The following AGBL4 variants were observed in gnomAD, a reference collection of about 807,000 sequenced individuals.
AGBL4 encodes the protein AGBL carboxypeptidase 4.
AGBL4 carries 58 observed loss-of-function variants against 66.4 expected under a neutral mutation model. That is an observed-to-expected ratio of 0.87 (90% CI 0.71 to 1.09). The LOEUF is 1.09. Among genes scored for constraint, AGBL4 ranks in the 50% least tolerant of loss-of-function variants. AGBL4 has a pLI of 0.00. For synonymous variants in AGBL4, 234 were observed against 222.9 expected, an observed-to-expected ratio of 1.05 and a Z score of -0.44; for missense variants, 579 against 631.0, an observed-to-expected ratio of 0.92 and a Z score of 0.88.
chr1:49,641,483 C>T (rs1368050774), intron 3 of AGBL4, among the ~76,000 whole-genome samples: 1 of 152,026 alleles, frequency 6.6e-6, no homozygotes, highest in African/African-American at 2.4e-5. Context: ...ACATTTCGTT[C>T]CACAATGTTT....
chr1:49,557,634 T>C (rs1229941922), intron 3 of AGBL4, among the ~76,000 whole-genome samples: 1 of 152,012 alleles, frequency 6.6e-6, no homozygotes, highest in Non-Finnish European at 1.5e-5. Flanking sequence ...TCAACTTGAG[T>C]TCCTGCAAAC....
chr1:49,943,699 G>A (rs537677902), intron 1 of AGBL4, among the ~76,000 whole-genome samples: 1 of 150,552 alleles, frequency 6.6e-6, no homozygotes, highest in South Asian at 2.2e-4. Flanking sequence ...GGCTGCCAGA[G>A]GTACTGGGAA....
intron 1 of AGBL4, among the ~76,000 whole-genome samples, chr1:49,880,370 C>T (rs1427304959): frequency 3.3e-5 from 5 of 151,938 alleles, no homozygotes; most frequent in African/African-American, 1.2e-4. Context: ...TGTTAGTTTT[C>T]CTTCTAACAG....
chr1:49,059,016 C>T (rs1644355344), intron 4 of AGBL4, among the ~76,000 whole-genome samples: 2 of 152,194 alleles, frequency 1.3e-5, no homozygotes, highest in African/African-American at 4.8e-5. Context: ...AAAAGAAAAA[C>T]CCATTTTCTG....
At chr1:48,957,964 C>G (rs1657623672) in intron 5 of AGBL4, among the ~76,000 whole-genome samples, 1 of 152,126 alleles carries the variant, frequency 6.6e-6, no homozygotes, top group Admixed American at 6.5e-5. Flanking sequence ...AGTCCACAGT[C>G]TGACCCCTAA....
intron 2 of AGBL4, among the ~76,000 whole-genome samples, chr1:49,817,566 C>T (rs1645262791): frequency 6.6e-6 from 1 of 152,060 alleles, no homozygotes. Context: ...TTATTCTATT[C>T]CTAAGTAATA....
At chr1:48,867,129 G>T in intron 6 of AGBL4, 62 bp downstream of exon 6, 1 of 1,557,716 alleles carries the variant, frequency 6.4e-7, no homozygotes, top group Non-Finnish European at 8.8e-7. Context: ...ATTTGGATAG[G>T]CAACAAGGCA....
At chr1:48,696,146 A>C (rs986866691) in intron 6 of AGBL4, among the ~76,000 whole-genome samples, 1 of 152,160 alleles carries the variant, frequency 6.6e-6, no homozygotes, top group East Asian at 1.9e-4. Flanking sequence ...GAGATATTTT[A>C]TCTCTCTCTG....
At chr1:49,235,857 C>A (rs1421281613) in intron 4 of AGBL4, among the ~76,000 whole-genome samples, 1 of 152,102 alleles carries the variant, frequency 6.6e-6, no homozygotes, top group African/African-American at 2.4e-5. Context: ...GGTTAAGTTA[C>A]CTTACTCCTG....
At chr1:49,475,643 T>C (rs1038174288) in intron 3 of AGBL4, among the ~76,000 whole-genome samples, 2 of 152,100 alleles carry the variant, frequency 1.3e-5, no homozygotes, top group Non-Finnish European at 2.9e-5. Context: ...GATTTCTTCC[T>C]TGTTCAATCT....
chr1:48,806,177 A>G (rs1283748889), intron 6 of AGBL4, among the ~76,000 whole-genome samples: 1 of 152,192 alleles, frequency 6.6e-6, no homozygotes, highest in East Asian at 1.9e-4. Flanking sequence ...ATACACATTT[A>G]CTACATGCCT....
intron 3 of AGBL4, among the ~76,000 whole-genome samples, chr1:49,602,821 CAATAAATAAATAAATAAATAAATA>C (rs146769913): frequency 6.9e-6 from 1 of 144,056 alleles, no homozygotes; most frequent in Non-Finnish European, 1.5e-5. Context: ...ACTTAAAGTA[CAATAAATAAATAAATAAATAAATA>C]AATAAATAAA....
At chr1:49,271,965 C>T (rs1001983092) in intron 3 of AGBL4, among the ~76,000 whole-genome samples, 1 of 152,106 alleles carries the variant, frequency 6.6e-6, no homozygotes, top group Admixed American at 6.6e-5. Flanking sequence ...AAAACTTGGC[C>T]TTTGTGTGTA....
intron 3 of AGBL4, among the ~76,000 whole-genome samples, chr1:49,607,208 C>A (rs1317013242): frequency 2.0e-5 from 3 of 152,128 alleles, no homozygotes; most frequent in Admixed American, 1.3e-4. Context: ...ATGTTCCTGT[C>A]ATCTGGCTGC....
At chr1:48,769,988 T>C (rs116537899) in intron 6 of AGBL4, among the ~76,000 whole-genome samples, 68 of 152,304 alleles carry the variant, frequency 4.5e-4, no homozygotes, top group African/African-American at 1.6e-3. Context: ...AACTCTCCCA[T>C]AGTGCAGGGT....
intron 5 of AGBL4, among the ~76,000 whole-genome samples, chr1:49,030,820 CAAAAAAAA>C (rs34872551): frequency 1.6e-5 from 1 of 62,084 alleles, no homozygotes; most frequent in African/African-American, 6.2e-5. Flanking sequence ...TAAGTAGAGG[CAAAAAAAA>C]AAAAAAAAAG....
chr1:49,470,213 G>A (rs912529620), intron 3 of AGBL4, among the ~76,000 whole-genome samples: 2 of 151,740 alleles, frequency 1.3e-5, no homozygotes, highest in African/African-American at 4.8e-5. Flanking sequence ...TTTTGTCTTA[G>A]ATATAATAGT....
chr1:49,789,142 T>C (rs930460286), intron 2 of AGBL4, among the ~76,000 whole-genome samples: 2 of 152,216 alleles, frequency 1.3e-5, no homozygotes, highest in Non-Finnish European at 2.9e-5. Flanking sequence ...ATGGATTACA[T>C]TTATTGATTT....
At chr1:49,350,726 C>T (rs1255377133) in intron 3 of AGBL4, among the ~76,000 whole-genome samples, 7 of 152,042 alleles carry the variant, frequency 4.6e-5, no homozygotes, top group Admixed American at 4.6e-4. Flanking sequence ...TACACTGCAC[C>T]CAATGTGTAG....
Sources: gnomAD v4.1 joint callset for allele counts (sites outside exome capture counted in the v4.1 genomes callset) on GRCh38, gnomAD v4.1.1 for gene constraint, MANE v1.5 for transcripts, NCBI Gene and HGNC (gene_info 2026-07-23, HGNC 2026-07-21) for gene names.